Variants in GPC6 observed in about 807,000 individuals in gnomAD.
GPC6 encodes the protein glypican 6.
Under a neutral mutation model 55.2 loss-of-function variants are expected in GPC6, and 14 were observed. The observed-to-expected ratio is 0.25, with a 90% confidence interval of 0.17 to 0.40. GPC6 has a LOEUF of 0.40. GPC6 is among the 10% of genes least tolerant of loss of function. The pLI is 1.00. For synonymous variants in GPC6, 278 were observed against 259.6 expected (o/e 1.07, Z -0.68); for missense variants, 641 against 708.5 (o/e 0.90, Z 1.08).
chr13:94,203,415 A>T (rs9516364), intron 4 of GPC6, among the ~76,000 whole-genome samples: 16,217 of 152,096 alleles, frequency 0.11, 998 homozygotes, highest in East Asian at 0.21. Context: ...GAAAGCAATG[A>T]GAAGCTTTAC....
rs145671957 is a variant in GPC6, at chr13:93,248,171, T to G, written c.160+20555T>G. On this transcript the variant is annotated intron_variant, in intron 1 of 8. Coordinates refer to ENST00000377047, the MANE Select transcript of GPC6 (RefSeq NM_005708.5). ...GTTTCCAGTATAACAAAGGGTTGAC[T>G]ATATATAGAAATATAGGTTAGAATG... Among the ~76,000 whole-genome samples, 3 of 152,336 alleles carry G rather than the reference T, an allele frequency of 2.0e-5. No individual in the cohort carries two copies. In the East Asian group the frequency reaches 5.8e-4, roughly 29 times the overall value.
At chr13:94,352,842 G>A (rs943226391) in intron 6 of GPC6, among the ~76,000 whole-genome samples, 1 of 152,142 alleles carries the variant, frequency 6.6e-6, no homozygotes, top group Admixed American at 6.6e-5. Flanking sequence ...ATTCTTCCAT[G>A]GTGGGGCAAC....
At chr13:93,332,140 C>T (rs781310640) in intron 1 of GPC6, among the ~76,000 whole-genome samples, 32 of 151,952 alleles carry the variant, frequency 2.1e-4, no homozygotes, top group Non-Finnish European at 4.0e-4. Flanking sequence ...ATATTTTAGC[C>T]GTAGTGAATA....
intron 1 of GPC6, among the ~76,000 whole-genome samples, chr13:93,438,897 C>T (rs1163592621): frequency 6.6e-6 from 1 of 152,044 alleles, no homozygotes; most frequent in African/African-American, 2.4e-5. Flanking sequence ...TATTGTTGTC[C>T]TATTTTAAGA....
At position 94,404,103 on chromosome 13, in the gene GPC6, G is replaced by A. The variant is rs570368080; in HGVS notation, c.*886G>A. 2.6e-5 allele frequency: 4 copies of A among 152,094 alleles called. No homozygotes were observed. The highest frequency in any genetic ancestry group is 4.4e-5 in the Non-Finnish European group (3 of 67,992). The allele number at this position is 152,094 out of a possible 1,614,324, so 9.4% of individuals were successfully genotyped here. ...CTTTGATGATACAATCTCTGCTTTTGCCACAGGTTTGACATTAACTAGACG... is the reference window on the plus strand; with the variant it reads ...CTTTGATGATACAATCTCTGCTTTTACCACAGGTTTGACATTAACTAGACG... On this transcript the variant is annotated 3_prime_UTR_variant, in exon 9 of 9. Transcript: ENST00000377047.
chr13:93,312,595 T>C (rs1879111426), intron 1 of GPC6, among the ~76,000 whole-genome samples: 1 of 152,212 alleles, frequency 6.6e-6, no homozygotes, highest in African/African-American at 2.4e-5. Context: ...CATCATTAGA[T>C]GACAATTTTC....
intron 3 of GPC6, among the ~76,000 whole-genome samples, chr13:94,005,603 A>G (rs1397962213): frequency 1.3e-5 from 2 of 152,220 alleles, no homozygotes; most frequent in African/African-American, 4.8e-5. Context: ...CTGATCAGTC[A>G]CATGATATCA....
chr13:94,269,261 G>A (rs926946554), intron 4 of GPC6, among the ~76,000 whole-genome samples: 5 of 152,070 alleles, frequency 3.3e-5, no homozygotes, highest in African/African-American at 1.2e-4. Flanking sequence ...TCCTCAAAAT[G>A]TCTGTAATCA....
intron 2 of GPC6, among the ~76,000 whole-genome samples, chr13:93,824,481 C>T (rs1182757448): frequency 6.6e-6 from 1 of 152,236 alleles, no homozygotes; most frequent in Admixed American, 6.5e-5. Flanking sequence ...CATGTCCCAG[C>T]AGGGACAGAA....
intron 1 of GPC6, among the ~76,000 whole-genome samples, chr13:93,527,976 T>C (rs1424079470): frequency 6.6e-6 from 1 of 152,180 alleles, no homozygotes; most frequent in Non-Finnish European, 1.5e-5. Context: ...ATCAGTGTTG[T>C]AGTCATGCTT....
chr13:93,261,471 A>C (rs190665627), intron 1 of GPC6, among the ~76,000 whole-genome samples: 1 of 152,204 alleles, frequency 6.6e-6, no homozygotes, highest in Non-Finnish European at 1.5e-5. Flanking sequence ...TACTTGAAAC[A>C]GCTGGGTTTA....
intron 4 of GPC6, among the ~76,000 whole-genome samples, chr13:94,217,928 A>C (rs753755332): frequency 6.6e-6 from 1 of 152,206 alleles, no homozygotes; most frequent in Non-Finnish European, 1.5e-5. Flanking sequence ...TGTTAGTGCC[A>C]GGCACAATAG....
chr13:94,000,922 T>C (rs1035421178), intron 3 of GPC6, among the ~76,000 whole-genome samples: 1 of 152,162 alleles, frequency 6.6e-6, no homozygotes, highest in Non-Finnish European at 1.5e-5. Context: ...CTGCTGGAGC[T>C]TGCATAGTTT....
intron 3 of GPC6, among the ~76,000 whole-genome samples, chr13:93,910,157 C>A (rs146034344): frequency 1.3e-5 from 2 of 151,964 alleles, no homozygotes; most frequent in Non-Finnish European, 2.9e-5. Context: ...ACAATTCCTA[C>A]GTGTCATGCA....
intron 3 of GPC6, among the ~76,000 whole-genome samples, chr13:93,831,387 A>C (rs576202750): frequency 6.6e-6 from 1 of 152,204 alleles, no homozygotes; most frequent in South Asian, 2.1e-4. Context: ...AAAGACAATT[A>C]CTTAAAGAAG....
intron 2 of GPC6, among the ~76,000 whole-genome samples, chr13:93,596,169 G>A (rs906190139): frequency 3.3e-5 from 5 of 152,176 alleles, no homozygotes; most frequent in African/African-American, 1.2e-4. Flanking sequence ...TGGGATCAGA[G>A]GCCAGAGGCC....
intron 1 of GPC6, among the ~76,000 whole-genome samples, chr13:93,401,567 T>C (rs1370470221): frequency 1.3e-5 from 2 of 151,512 alleles, no homozygotes; most frequent in Non-Finnish European, 2.9e-5. Context: ...TAGGATCTAC[T>C]CTCTTACACA....
chr13:93,412,658 A>G (rs1876550995), intron 1 of GPC6, among the ~76,000 whole-genome samples: 1 of 152,184 alleles, frequency 6.6e-6, no homozygotes, highest in Non-Finnish European at 1.5e-5. Flanking sequence ...CTCCATCTCA[A>G]AAACAAACAA....
At chr13:93,831,556 C>CTT (rs34397604) in intron 3 of GPC6, among the ~76,000 whole-genome samples, 96 of 147,460 alleles carry the variant, frequency 6.5e-4, no homozygotes, top group Admixed American at 2.6e-3. Context: ...TACAATGCTT[C>CTT]TTTTTTTTTT....
Sources: gnomAD v4.1 joint callset for allele counts (sites outside exome capture counted in the v4.1 genomes callset) on GRCh38, gnomAD v4.1.1 for gene constraint, MANE v1.5 for transcripts, NCBI Gene and HGNC (gene_info 2026-07-23, HGNC 2026-07-21) for gene names.